AGO2: variants seen among roughly 807,000 people sequenced by gnomAD.
The protein encoded by AGO2 is protein argonaute-2.
In AGO2, 5 loss-of-function variants were observed where a neutral mutation model predicts 102.3. That is an observed-to-expected ratio of 0.05 (90% CI 0.03 to 0.10). The LOEUF (loss-of-function observed/expected upper bound fraction) is 0.10. AGO2 is among the 10% of genes least tolerant of loss of function. The pLI is 1.00. For missense variants in AGO2, 541 were observed against 1,183.7 expected (o/e 0.46, Z 7.97); for synonymous variants, 449 against 473.1 (o/e 0.95, Z 0.66).
chr8:140,615,329 C>G (rs1478978465), intron 1 of AGO2, among the ~76,000 whole-genome samples: 1 of 152,238 alleles, frequency 6.6e-6, no homozygotes, highest in Non-Finnish European at 1.5e-5. Flanking sequence ...AGCCCCCTGG[C>G]CAGGCCTGTA....
chr8:140,568,103 CAAAAA>C (rs553804959), intron 3 of AGO2, among the ~76,000 whole-genome samples: 39 of 110,642 alleles, frequency 3.5e-4, no homozygotes, highest in Middle Eastern at 5.3e-3. Context: ...ACTAAAAATA[CAAAAA>C]AAAAAAAAAA....
At chr8:140,533,191 C>A (rs574394625) in intron 17 of AGO2, among the ~76,000 whole-genome samples, 1 of 149,460 alleles carries the variant, frequency 6.7e-6, no homozygotes, top group African/African-American at 2.5e-5. Context: ...AGATCGAGAC[C>A]ATCCTGGCTA....
intron 1 of AGO2, among the ~76,000 whole-genome samples, chr8:140,626,318 A>G (rs920687957): frequency 6.6e-6 from 1 of 152,176 alleles, no homozygotes; most frequent in Non-Finnish European, 1.5e-5. Context: ...TTTATCAGAG[A>G]TAAGCCTTTT....
In AGO2 at chr8:140,527,526, G is replaced by C. The variant is rs556820912; in HGVS notation, c.*4518C>G. 1.3e-5 allele frequency: 2 copies of C among 153,274 alleles called. No homozygotes were observed. The highest frequency in any genetic ancestry group is 3.9e-4 in the East Asian group (2 of 5,184). 9.5% of individuals were successfully genotyped at this position (153,274 alleles called of 1,614,324 possible). Reference sequence around the variant, plus strand: ...AGAGTCAGCGTGTGTGTGTGTAACAGGGGCACCCCCATGACAAAGTCACAG... The same window carrying C: ...AGAGTCAGCGTGTGTGTGTGTAACACGGGCACCCCCATGACAAAGTCACAG... On this transcript the variant is annotated 3_prime_UTR_variant, in exon 19 of 19. Transcript: ENST00000220592. This position sits in a 1 kb window ranked among gnomAD's most constrained non-coding sequence, Gnocchi z 6.0.
At chr8:140,555,813 C>G in intron 10 of AGO2, 83 bp downstream of exon 10, 1 of 1,513,848 alleles carries the variant, frequency 6.6e-7, no homozygotes, top group Non-Finnish European at 8.9e-7. Flanking sequence ...GTCTACACCG[C>G]GGGCGATAGC....
At chr8:140,534,069 T>C (rs936187618) in intron 17 of AGO2, among the ~76,000 whole-genome samples, 2 of 152,226 alleles carry the variant, frequency 1.3e-5, no homozygotes, top group African/African-American at 4.8e-5. Context: ...TCTAGCCCTG[T>C]GCCGAGGCCC....
At chr8:140,625,936 C>T (rs1308439562) in intron 1 of AGO2, among the ~76,000 whole-genome samples, 1 of 152,252 alleles carries the variant, frequency 6.6e-6, no homozygotes, top group Non-Finnish European at 1.5e-5. Flanking sequence ...TACAGTGAGG[C>T]ACGCGCTTTA....
chr8:140,616,962 A>AC (rs2074149209), intron 1 of AGO2, among the ~76,000 whole-genome samples: 1 of 151,914 alleles, frequency 6.6e-6, no homozygotes, highest in Admixed American at 6.6e-5. Context: ...CCCGCTCTCC[A>AC]CCCCCGCGCA....
chr8:140,547,816 G>A (rs929034257), intron 12 of AGO2, among the ~76,000 whole-genome samples, 189 bp from the exon 13 acceptor site: 3 of 152,242 alleles, frequency 2.0e-5, no homozygotes, highest in Admixed American at 6.5e-5. Context: ...CGAGGGGGAC[G>A]CCAAGCTCCT....
In AGO2 at chr8:140,524,330, A is replaced by G. The variant is rs1381209327; in HGVS notation, c.*7714T>C. 2 of 152,282 alleles carry G rather than the reference A, an allele frequency of 1.3e-5. No homozygotes were observed. Among genetic ancestry groups the G allele is most frequent in the Admixed American group, 6.5e-5 (1 of 15,288 alleles). 9.4% of individuals were successfully genotyped at this position (152,282 alleles called of 1,614,324 possible). ...CTTTGCTGATGGTCATGGTCAATGCATAAGAGATGGGTCTTGCACCAATCT... is the reference window on the plus strand; with the variant it reads ...CTTTGCTGATGGTCATGGTCAATGCGTAAGAGATGGGTCTTGCACCAATCT... On this transcript the variant is annotated 3_prime_UTR_variant, in exon 19 of 19. Coordinates refer to ENST00000220592, the MANE Select transcript of AGO2 (RefSeq NM_012154.5).
chr8:140,573,012 T>C (rs2073407613), intron 2 of AGO2, 80 bp from the exon 3 acceptor site: 1 of 766,422 alleles, frequency 1.3e-6, no homozygotes, highest in Non-Finnish European at 1.7e-6. Flanking sequence ...TGACGCTATT[T>C]TTTTTTTTTT....
chr8:140,635,353 C>T lies in AGO2; in HGVS notation c.22+132G>A, dbSNP rs987494218. On this transcript the variant is annotated intron_variant, in intron 1 of 18. Coordinates refer to ENST00000220592, the MANE Select transcript of AGO2 (RefSeq NM_012154.5). ...AGCCCCCAAGCGCGGCCCCGGCTCG[C>T]CCGCCCCCGGCCCCCGCCGCCCCGA... The T allele has an allele frequency of 1.4e-4, 81 of 568,074 alleles. No homozygotes were observed. The African/African-American group carries it at 1.6e-3, about 11-fold the overall frequency. 35.2% of individuals were successfully genotyped at this position (568,074 alleles called of 1,614,324 possible).
rs1355201032 is a variant in AGO2 at position 140,522,331 on chromosome 8, G to A, written c.*9713C>T. On this transcript the variant is annotated 3_prime_UTR_variant, in exon 19 of 19. Coordinates refer to ENST00000220592, the MANE Select transcript of AGO2 (RefSeq NM_012154.5). ...TGTTTAACTGAGGTAGATCCACATTGTAAAGAAAGCTGGGTCCCCTCCATT... is the reference window on the plus strand; with the variant it reads ...TGTTTAACTGAGGTAGATCCACATTATAAAGAAAGCTGGGTCCCCTCCATT... 6.6e-6 allele frequency: 1 copy of A among 152,084 alleles called. No homozygotes were observed. Among genetic ancestry groups the A allele is most frequent in the African/African-American group, 2.4e-5 (1 of 41,420 alleles). The allele number at this position is 152,084 out of a possible 1,614,324, so 9.4% of individuals were successfully genotyped here.
intron 2 of AGO2, among the ~76,000 whole-genome samples, chr8:140,576,956 C>G (rs2073474424): frequency 1.3e-5 from 2 of 152,070 alleles, no homozygotes; most frequent in African/African-American, 4.8e-5. Context: ...ACCTGTAATC[C>G]CAACACTTTG....
intron 1 of AGO2, among the ~76,000 whole-genome samples, chr8:140,624,784 T>G (rs2074254958): frequency 6.6e-6 from 1 of 152,202 alleles, no homozygotes; most frequent in African/African-American, 2.4e-5. Flanking sequence ...TGTCATGTGG[T>G]GACATCTTCT....
rs118136750 is a variant in AGO2 at position 140,601,940 on chromosome 8, G to T, written c.23-16629C>A. Among the ~76,000 whole-genome samples the T allele has an allele frequency of 1.2e-3, 178 of 152,252 alleles. 2 individuals are homozygous for T. Among genetic ancestry groups the T allele is most frequent in the Admixed American group, 4.7e-3 (72 of 15,294 alleles). ...CTCCTCCACGGTCTTTCCCCTTTGGGTTGAAGATGCCCTGCAGCCTGAATC... is the reference window on the plus strand; with the variant it reads ...CTCCTCCACGGTCTTTCCCCTTTGGTTTGAAGATGCCCTGCAGCCTGAATC... On this transcript the variant is annotated intron_variant, in intron 1 of 18. Transcript: ENST00000220592.
chr8:140,610,663 A>G (rs1248906346), intron 1 of AGO2, among the ~76,000 whole-genome samples: 3 of 152,230 alleles, frequency 2.0e-5, no homozygotes, highest in Non-Finnish European at 4.4e-5. Flanking sequence ...ACAGCCCAAA[A>G]GAGAACACGG....
intron 6 of AGO2, 48 bp downstream of exon 6, chr8:140,559,347 G>A (rs1277214619): frequency 1.2e-6 from 2 of 1,602,092 alleles, no homozygotes; most frequent in African/African-American, 1.3e-5. Context: ...GGCGGACCGG[G>A]AAGGGGCCTC....
chr8:140,581,404 C>A (rs1352705290), intron 2 of AGO2, among the ~76,000 whole-genome samples: 1 of 152,216 alleles, frequency 6.6e-6, no homozygotes, highest in African/African-American at 2.4e-5. Context: ...ATCCCAGCTA[C>A]TCCGGACGGG....
Sources: gnomAD v4.1 joint callset for allele counts (sites outside exome capture counted in the v4.1 genomes callset) on GRCh38, gnomAD v4.1.1 for gene constraint, Gnocchi (gnomAD v3.1) non-coding constraint, MANE v1.5 for transcripts, NCBI Gene and HGNC (gene_info 2026-07-23, HGNC 2026-07-21) for gene names.